The following RENBP variants were observed in gnomAD, a reference collection of about 807,000 sequenced individuals.
RENBP encodes N-acylglucosamine 2-epimerase.
A neutral mutation model predicts 37.8 loss-of-function variants in RENBP; 16 were observed. The ratio of observed to expected loss-of-function variants is 0.42; its 90% CI spans 0.29 to 0.64. The LOEUF is 0.64. Among genes scored for constraint, RENBP ranks in the 30% least tolerant of loss-of-function variants. The pLI, the probability that RENBP is intolerant of heterozygous loss-of-function variation, is 0.19. For synonymous variants in RENBP, 170 were observed against 154.8 expected, an observed-to-expected ratio of 1.10 and a Z score of -0.73; for missense variants, 347 against 379.5, an observed-to-expected ratio of 0.91 and a Z score of 0.71.
chrX:153,942,330 G>A (rs1358856296), intron 6 of RENBP: 1 of 207,951 alleles, frequency 4.8e-6, no homozygotes, highest in African/African-American at 3.3e-5. Flanking sequence ...TCCACCTCCT[G>A]GGTTCATGCG....
chrX:153,936,367 G>A (rs782502767), intron 9 of RENBP, among the ~76,000 whole-genome samples: 5 of 106,763 alleles, frequency 4.7e-5, no homozygotes, highest in Admixed American at 1.0e-4. Flanking sequence ...TTAGCCGGGA[G>A]TGGTGGCGGG....
At chrX:153,942,221 C>G (rs2065230033) in intron 6 of RENBP, 190 bp from the exon 7 acceptor site, 1 of 253,266 alleles carries the variant, frequency 3.9e-6, no homozygotes, top group South Asian at 1.1e-4. Flanking sequence ...TTGGGCCTAG[C>G]AAGTTGTTGT....
At position 153,941,930 on chromosome X, in the gene RENBP, CA is replaced by C; in HGVS notation, c.769+19del. The C allele has an allele frequency of 1.5e-5, 12 of 781,581 alleles. No individual in the cohort carries two copies. Among genetic ancestry groups the C allele is most frequent in the Non-Finnish European group, 2.2e-5 (11 of 507,278 alleles). The allele number at this position is 781,581 out of a possible 1,213,427, so 64.4% of individuals were successfully genotyped here. On this transcript the variant is annotated intron_variant, in intron 7 of 10. Transcript: ENST00000393700. The stretch of plus-strand genomic sequence containing the variant: ...CGCTCCCCTCCTCCTGGGTGGCCCC[CA>C]GCCCACCCCGCCCCTCACCTGGGTT...
chrX:153,942,671 G>A (rs781922357), intron 6 of RENBP, 184 bp downstream of exon 6: 46 of 446,932 alleles, frequency 1.0e-4, no homozygotes, highest in Admixed American at 2.0e-4. Flanking sequence ...GGCAGGAGGG[G>A]TCTCCTTCTG....
chrX:153,941,484 G>A lies in RENBP; in HGVS notation c.939C>T (p.Pro313=). The change falls in exon 8 of 11, where the codon CCC becomes CCT. Residue 313 remains proline, a synonymous_variant. Coordinates refer to ENST00000393700, the MANE Select transcript of RENBP (RefSeq NM_002910.6). The part of the protein sequence containing the change: ...FYFQDADNFC[P]TQLEWAMKLW... ...GCCCTGGGCGCTCTCCCACCTGGGT[G>A]GGGCAGAAGTTATCAGCATCCTGGA... is the stretch of plus-strand genomic sequence containing the variant. 8.3e-7 allele frequency: 1 copy of A among 1,210,765 alleles called. No homozygotes were observed. Among genetic ancestry groups the A allele is most frequent in the South Asian group, 1.8e-5 (1 of 56,958 alleles).
At position 153,944,131 on chromosome X, in the gene RENBP, G is replaced by C. The variant is rs150227672; in HGVS notation, c.162C>G (p.Arg54=). ...TGAGGTCATCATACACCCGCCCCTC[G>C]CGGCCAAGGCACGTGAAGAAGCCCC... The part of the protein sequence containing the change: ...EHGGFFTCLG[R]EGRVYDDLKY... The change falls in exon 3 of 11, where the codon CGC becomes CGG. Residue 54 remains arginine, a synonymous_variant. Coordinates refer to ENST00000393700, the MANE Select transcript of RENBP (RefSeq NM_002910.6). The C allele has an allele frequency of 2.5e-6, 3 of 1,209,451 alleles. No individual in the cohort carries two copies. The African/African-American group carries it at 5.2e-5, about 21-fold the overall frequency.
At chrX:153,939,446 A>G (rs782558231) in intron 9 of RENBP, among the ~76,000 whole-genome samples, 1 of 111,801 alleles carries the variant, frequency 8.9e-6, no homozygotes, top group African/African-American at 3.3e-5. Context: ...CTCCGTCTGA[A>G]CTGGAGACTC....
chrX:153,943,035 C>T lies in RENBP; in HGVS notation c.507G>A (p.Gln169=), dbSNP rs144056423. The change falls in exon 6 of 11, where the codon CAG becomes CAA. Residue 169 remains glutamine, a synonymous_variant. Coordinates refer to ENST00000393700, the MANE Select transcript of RENBP (RefSeq NM_002910.6). ...GCCGGCCCAGTCCCGACGCGTCCTC[C>T]TGCACCCAGTGGACGATCTGATCCA... ...EMMDQIVHWV[Q]EDASGLGRPQ... The T allele has an allele frequency of 1.6e-4, 191 of 1,194,144 alleles. No individual in the cohort carries two copies. Among genetic ancestry groups the T allele is most frequent in the Non-Finnish European group, 1.9e-4 (168 of 886,038 alleles).
intron 6 of RENBP, 87 bp downstream of exon 6, chrX:153,942,768 T>C: frequency 1.3e-6 from 1 of 759,831 alleles, no homozygotes; most frequent in Non-Finnish European, 2.0e-6. Flanking sequence ...AATCTCTGTC[T>C]CTCCAGGTGT....
Position 153,942,174 on chromosome X carries a change from C to G in RENBP, c.688-143G>C. The G allele has an allele frequency of 9.1e-6, 4 of 438,972 alleles. No homozygotes were observed. The South Asian group carries it at 1.5e-4, about 17-fold the overall frequency. 36.2% of individuals were successfully genotyped at this position (438,972 alleles called of 1,213,427 possible). On this transcript the variant is annotated intron_variant, in intron 6 of 10. Coordinates refer to ENST00000393700, the MANE Select transcript of RENBP (RefSeq NM_002910.6). ...GACCTGCTGGCTTGGGTGGGCCAGG[C>G]TCAGAGGGGCATTTAAGGAGGGGCT...
chrX:153,943,367 C>A (rs1319384094), intron 5 of RENBP, among the ~76,000 whole-genome samples, 179 bp downstream of exon 5: 1 of 112,502 alleles, frequency 8.9e-6, no homozygotes, highest in Non-Finnish European at 1.9e-5. Flanking sequence ...GGGGGCAGGG[C>A]GTGGATAGGG....
Position 153,943,947 on chromosome X carries a change from G to A in RENBP, c.237C>T (p.Tyr79=). 8.4e-7 allele frequency: 1 copy of A among 1,194,616 alleles called. No homozygotes were observed. The highest frequency in any genetic ancestry group is 1.1e-6 in the Non-Finnish European group (1 of 886,447). Reference sequence around the variant, plus strand: ...CATGGCGGAAGCGCTCGAAAGTGCGGTACAGGCGACAATACATCCATACCT... The same window carrying A: ...CATGGCGGAAGCGCTCGAAAGTGCGATACAGGCGACAATACATCCATACCT... The part of the protein sequence containing the change: ...GRQVWMYCRL[Y]RTFERFRHAQ... The change falls in exon 4 of 11, where the codon TAC becomes TAT. Residue 79 remains tyrosine, a synonymous_variant. Transcript: ENST00000393700.
At chrX:153,935,662 TGACCCC>T (rs2065196692) in intron 9 of RENBP, 86 bp from the exon 10 acceptor site, 2 of 722,994 alleles carry the variant, frequency 2.8e-6, no homozygotes, top group South Asian at 4.6e-5. Context: ...GAGCCTGGGT[TGACCCC>T]AGGTGACGTG....
At position 153,942,846 on chromosome X, in the gene RENBP, A is replaced by G. The variant is rs782088007; in HGVS notation, c.687+9T>C. ...CTCCCACCACCCCAGCTCCCCAGGC[A>G]TCCCCCACCTGCACGTGCTGCAGAA... On this transcript the variant is annotated intron_variant, in intron 6 of 10. Transcript: ENST00000393700. 1.1e-6 allele frequency: 1 copy of G among 870,624 alleles called. No individual in the cohort carries two copies. Among genetic ancestry groups the G allele is most frequent in the East Asian group, 4.5e-5 (1 of 22,471 alleles). The allele number at this position is 870,624 out of a possible 1,213,427, so 71.7% of individuals were successfully genotyped here. A position where few individuals can be genotyped will look rare whatever the true frequency, so the allele number is the denominator to read the frequency against.
At chrX:153,940,073 T>A (rs1557109271) in intron 9 of RENBP, 29 bp downstream of exon 9, 1 of 1,208,693 alleles carries the variant, frequency 8.3e-7, no homozygotes, top group Non-Finnish European at 1.1e-6. Flanking sequence ...CCATTCAGCC[T>A]CTAGAGGGGA....
Position 153,937,116 on chromosome X carries a change from G to A in RENBP, c.1078-1540C>T, listed in dbSNP as rs190186289. 3.6e-3 allele frequency: 417 copies of A among 115,172 alleles called. 1 individual carries two copies. The highest frequency in any genetic ancestry group is 0.022 in the Middle Eastern group (5 of 230). 9.5% of individuals were successfully genotyped at this position (115,172 alleles called of 1,213,427 possible). ...CCTGGGTGGCTGAGGTGGAAGGATC[G>A]CTTGAGCCCAGGAGGTTGAGGCTGC... On this transcript the variant is annotated intron_variant, in intron 9 of 10. Coordinates refer to ENST00000393700, the MANE Select transcript of RENBP (RefSeq NM_002910.6).
Position 153,944,564 on chromosome X carries a change from C to G in RENBP, c.27+20G>C, listed in dbSNP as rs782290336. 6.0e-6 allele frequency: 7 copies of G among 1,167,238 alleles called. No homozygotes were observed. Among genetic ancestry groups the G allele is most frequent in the South Asian group, 1.9e-5 (1 of 52,927 alleles). On this transcript the variant is annotated intron_variant, in intron 1 of 10. Transcript: ENST00000393700. ...GGGACCCTCCAAGACAGCACTCCCCCCAAGCACCCCACCACTGGCCTGTCG... is the reference window on the plus strand; with the variant it reads ...GGGACCCTCCAAGACAGCACTCCCCGCAAGCACCCCACCACTGGCCTGTCG...
In RENBP at chrX:153,935,299, C is replaced by T. The variant is rs782799079; in HGVS notation, c.1271G>A (p.Arg424Gln). Residue 424 changes from arginine to glutamine, a missense_variant, in exon 11 of 11, where the codon CGA (arginine) becomes CAA (glutamine). Around this residue, in one of 3 missense-constraint regions of RENBP, gnomAD observed 91 missense variants for 67.7 expected, o/e 1.34. Transcript: ENST00000393700. ...CGGACTCAGCCTTTATTCCGCGCCT[C>T]GGCAGGCGGGGGTGGGGGCGGGGGA... ...APSPAPTPACRGAE is the reference protein window; with the variant it reads ...APSPAPTPACQGAE 3 of 870,807 alleles carry T rather than the reference C, an allele frequency of 3.4e-6. No homozygotes were observed. The highest frequency in any genetic ancestry group is 6.2e-5 in the South Asian group (2 of 32,286). 71.8% of individuals were successfully genotyped at this position (870,807 alleles called of 1,213,427 possible).
chrX:153,942,752 T>A lies in RENBP; in HGVS notation c.687+103A>T, dbSNP rs782498340. The A allele has an allele frequency of 7.8e-4, 523 of 673,576 alleles. 5 individuals are homozygous for A. The South Asian group carries it at 0.012, about 15-fold the overall frequency. 55.5% of individuals were successfully genotyped at this position (673,576 alleles called of 1,213,427 possible). A position where few individuals can be genotyped will look rare whatever the true frequency, so the allele number is the denominator to read the frequency against. On this transcript the variant is annotated intron_variant, in intron 6 of 10. Coordinates refer to ENST00000393700, the MANE Select transcript of RENBP (RefSeq NM_002910.6). The stretch of plus-strand genomic sequence containing the variant: ...CCTCCACCTTCCCCAGGTGGGGACA[T>A]CCCCGAATCTCTGTCTCTCCAGGTG...
Sources: gnomAD v4.1 joint callset for allele counts (sites outside exome capture counted in the v4.1 genomes callset) on GRCh38, gnomAD v4.1.1 for gene constraint, gnomAD v4.1.1 regional missense constraint, MANE v1.5 for transcripts, NCBI Gene and HGNC (gene_info 2026-07-23, HGNC 2026-07-21) for gene names.